The following FAR1 variants were observed in gnomAD, a reference collection of about 807,000 sequenced individuals.
FAR1 encodes fatty acyl-CoA reductase 1, also known as male sterility domain-containing protein 2.
Under a neutral mutation model 61.1 loss-of-function variants are expected in FAR1, and 22 were observed. The observed-to-expected ratio is 0.36, with a 90% CI of 0.26 to 0.51. FAR1 has a LOEUF of 0.51. FAR1 is among the 20% of genes least tolerant of loss of function. The pLI, the probability that FAR1 is intolerant of heterozygous loss-of-function variation, is 0.95. For synonymous variants in FAR1, 206 were observed against 209.7 expected (o/e 0.98, Z 0.15); for missense variants, 359 against 626.9 (o/e 0.57, Z 4.56).
At chr11:13,716,614 T>C (rs1848559979) in intron 9 of FAR1, among the ~76,000 whole-genome samples, 1 of 152,212 alleles carries the variant, frequency 6.6e-6, no homozygotes, top group Non-Finnish European at 1.5e-5. Context: ...ATATAGCAGC[T>C]GATGGCTTCA....
At chr11:13,675,117 A>G (rs1316494605) in intron 1 of FAR1, among the ~76,000 whole-genome samples, 1 of 151,092 alleles carries the variant, frequency 6.6e-6, no homozygotes. Context: ...AGACATGTTA[A>G]TCCAAGTGAG....
chr11:13,677,180 T>C (rs1000915098), intron 1 of FAR1, among the ~76,000 whole-genome samples: 1 of 152,258 alleles, frequency 6.6e-6, no homozygotes, highest in African/African-American at 2.4e-5. Flanking sequence ...TGAAATGTTA[T>C]ACCATAATGT....
At chr11:13,716,907 C>T (rs922818176) in intron 9 of FAR1, among the ~76,000 whole-genome samples, 1 of 151,764 alleles carries the variant, frequency 6.6e-6, no homozygotes, top group Admixed American at 6.6e-5. Context: ...TTGTCATTTA[C>T]ATTAGGTATT....
In FAR1 at chr11:13,714,685, T is replaced by C; in HGVS notation, c.1127+5T>C. 1 of 1,606,630 alleles carries C rather than the reference T, an allele frequency of 6.2e-7. No homozygotes were observed. The highest frequency in any genetic ancestry group is 8.5e-7 in the Non-Finnish European group (1 of 1,176,788). On this transcript the variant is annotated splice_donor_5th_base_variant and intron_variant, in intron 9 of 11. Coordinates refer to ENST00000354817, the MANE Select transcript of FAR1 (RefSeq NM_032228.6). ...GATGACTGGAAGAAGCCCAAGGTAATGGTGACTAGCTCTGTCTTATCTGTT... is the reference window on the plus strand; with the variant it reads ...GATGACTGGAAGAAGCCCAAGGTAACGGTGACTAGCTCTGTCTTATCTGTT...
At chr11:13,694,298 TTGA>T in intron 1 of FAR1, among the ~76,000 whole-genome samples, 1 of 152,298 alleles carries the variant, frequency 6.6e-6, no homozygotes, top group African/African-American at 2.4e-5. Context: ...TCAATTGGTG[TTGA>T]TACGCGAATA....
intron 9 of FAR1, 134 bp downstream of exon 9, chr11:13,714,814 G>A: frequency 1.4e-6 from 1 of 726,934 alleles, no homozygotes; most frequent in Non-Finnish European, 2.0e-6. Flanking sequence ...GAAGCCTCTT[G>A]AATTTAAGAC....
At chr11:13,683,541 GT>G (rs148336133) in intron 1 of FAR1, among the ~76,000 whole-genome samples, 7,580 of 150,914 alleles carry the variant, frequency 0.05, 230 homozygotes, top group South Asian at 0.097. Flanking sequence ...TAAGTTTTTT[GT>G]TTTTTTTTAA....
chr11:13,710,847 G>A lies in FAR1; in HGVS notation c.700G>A (p.Ala234Thr). ...AATTGTAAGGCCATCGATTGTTGGT[G>A]CCAGTTGGAAAGAACCTTTTCCAGT... ...VAIVRPSIVG[A>T]SWKEPFPGWI... is the part of the protein sequence containing the mutation. Residue 234 changes from alanine (A) to threonine (T), a missense_variant, in exon 5 of 12, where the codon GCC becomes ACC. Transcript: ENST00000354817. 2 of 1,610,354 alleles carry A rather than the reference G, an allele frequency of 1.2e-6. No individual in the cohort carries two copies. The highest frequency in any genetic ancestry group is 1.7e-6 in the Non-Finnish European group (2 of 1,178,912).
chr11:13,723,309 G>A (rs1190429574), intron 10 of FAR1: 1 of 360,802 alleles, frequency 2.8e-6, no homozygotes, highest in Non-Finnish European at 5.2e-6. Context: ...AGGCTGCAGT[G>A]AGATGTGATC....
Position 13,702,660 on chromosome 11 carries a change from A to G in FAR1, c.365+2168A>G, listed in dbSNP as rs2134185569. Among the ~76,000 whole-genome samples the G allele has an allele frequency of 1.3e-5, 2 of 152,258 alleles. 1 individual carries two copies. Among genetic ancestry groups the G allele is most frequent in the East Asian group, 3.9e-4 (2 of 5,184 alleles). ...CTTTTATTATTTCCTTCATAGACAA[A>G]AGAAAGAGTTCACATAGCTTTATGA... On this transcript the variant is annotated intron_variant, in intron 3 of 11. Transcript: ENST00000354817.
At chr11:13,724,579 T>G (rs1848650255) in intron 10 of FAR1, among the ~76,000 whole-genome samples, 1 of 151,382 alleles carries the variant, frequency 6.6e-6, no homozygotes, top group Non-Finnish European at 1.5e-5. Context: ...AGACTGTAGA[T>G]TTGGGTCATT....
intron 3 of FAR1, 120 bp downstream of exon 3, chr11:13,700,612 A>G: frequency 1.7e-6 from 1 of 598,766 alleles, no homozygotes; most frequent in Non-Finnish European, 2.6e-6. Context: ...GCCTATGTTA[A>G]CTGTGGCTTT....
At chr11:13,671,336 A>T (rs1442104495) in intron 1 of FAR1, among the ~76,000 whole-genome samples, 1 of 152,222 alleles carries the variant, frequency 6.6e-6, no homozygotes, top group African/African-American at 2.4e-5. Flanking sequence ...GTTTTTAAGG[A>T]TGATTGAAGA....
At chr11:13,728,527 A>G (rs1848689446) in intron 11 of FAR1, 85 bp from the exon 12 acceptor site, 4 of 1,220,428 alleles carry the variant, frequency 3.3e-6, no homozygotes, top group Non-Finnish European at 4.7e-6. Context: ...AGCTTTGATT[A>G]AAAACTCAGT....
At chr11:13,705,362 C>G (rs6486137) in intron 3 of FAR1, among the ~76,000 whole-genome samples, 32,056 of 151,700 alleles carry the variant, frequency 0.21, 3,646 homozygotes, top group South Asian at 0.27. Flanking sequence ...ATGTTACTCA[C>G]TTGGGTGCAG....
At chr11:13,709,343 C>T (rs148388081) in intron 4 of FAR1, among the ~76,000 whole-genome samples, 1 of 151,620 alleles carries the variant, frequency 6.6e-6, no homozygotes, top group African/African-American at 2.4e-5. Context: ...CAAATATCTA[C>T]TTCATTTTCT....
chr11:13,718,015 G>A (rs1467370051), intron 9 of FAR1, among the ~76,000 whole-genome samples: 1 of 152,096 alleles, frequency 6.6e-6, no homozygotes, highest in Non-Finnish European at 1.5e-5. Context: ...AAGTTTCTTT[G>A]ACACAAACCC....
At chr11:13,693,955 T>C (rs1271200271) in intron 1 of FAR1, among the ~76,000 whole-genome samples, 1 of 152,218 alleles carries the variant, frequency 6.6e-6, no homozygotes, top group African/African-American at 2.4e-5. Context: ...ATTCTCTCTC[T>C]GGTTGTATTG....
chr11:13,703,386 C>T (rs12270914), intron 3 of FAR1, among the ~76,000 whole-genome samples: 5 of 148,790 alleles, frequency 3.4e-5, no homozygotes, highest in Non-Finnish European at 7.5e-5. Context: ...GTTTCACTAA[C>T]AGTTACTCTT....
Sources: gnomAD v4.1 joint callset for allele counts (sites outside exome capture counted in the v4.1 genomes callset) on GRCh38, gnomAD v4.1.1 for gene constraint, MANE v1.5 for transcripts, NCBI Gene and HGNC (gene_info 2026-07-23, HGNC 2026-07-21) for gene names.